Variants in SPTLC1 observed in about 807,000 individuals in gnomAD.
SPTLC1 encodes the protein serine palmitoyltransferase long chain base subunit 1, also known as serine palmitoyltransferase 1.
In SPTLC1, 55 loss-of-function variants were observed where a neutral mutation model predicts 68.9. The observed-to-expected ratio is 0.80, with a 90% CI of 0.64 to 1.00. The LOEUF is 1.00. Among genes scored for constraint, SPTLC1 ranks in the 50% least tolerant of loss-of-function variants. The pLI is 0.00. For missense variants in SPTLC1, 449 were observed against 573.1 expected, an observed-to-expected ratio of 0.78 and a Z score of 2.21; for synonymous variants, 197 against 201.6, an observed-to-expected ratio of 0.98 and a Z score of 0.19.
chr9:92,106,001 C>T (rs532744393), intron 3 of SPTLC1, among the ~76,000 whole-genome samples: 49 of 150,992 alleles, frequency 3.2e-4, no homozygotes, highest in East Asian at 1.2e-3. Context: ...TCTGCCCAGC[C>T]GCCACCCTGT....
chr9:92,071,083 C>T (rs1280244728), intron 5 of SPTLC1, among the ~76,000 whole-genome samples: 1 of 151,102 alleles, frequency 6.6e-6, no homozygotes, highest in East Asian at 1.9e-4. Context: ...TACATACTGT[C>T]CTTAAAAAAA....
chr9:92,096,057 G>C (rs1434805815), intron 3 of SPTLC1, among the ~76,000 whole-genome samples: 1 of 152,196 alleles, frequency 6.6e-6, no homozygotes, highest in African/African-American at 2.4e-5. Flanking sequence ...AAAATTAGGT[G>C]TGAGTTACAT....
rs1836112070 is a variant in SPTLC1, at chr9:92,108,870, C to T, written c.166-36G>A. Reference sequence around the variant, plus strand: ...AAAAGAATTAAAATACAGTGCAGTGCTAATATTATCAATTATTAGTGTCTC... The same window carrying T: ...AAAAGAATTAAAATACAGTGCAGTGTTAATATTATCAATTATTAGTGTCTC... On this transcript the variant is annotated intron_variant, in intron 2 of 14. Transcript: ENST00000262554. 3 of 1,573,958 alleles carry T rather than the reference C, an allele frequency of 1.9e-6. No homozygotes were observed. The African/African-American group carries it at 4.1e-5, about 21-fold the overall frequency.
intron 12 of SPTLC1, 118 bp from the exon 13 acceptor site, chr9:92,038,483 G>A (rs1033279553): frequency 2.5e-5 from 19 of 774,956 alleles, no homozygotes; most frequent in African/African-American, 1.5e-4. Flanking sequence ...AGAAGCTTGC[G>A]ACTGATGGGA....
chr9:92,114,692 G>T (rs759140984), intron 1 of SPTLC1, among the ~76,000 whole-genome samples: 1 of 150,630 alleles, frequency 6.6e-6, no homozygotes, highest in Non-Finnish European at 1.5e-5. Context: ...CCGAGATCAC[G>T]CCCTTGCACT....
rs1248285647 is a variant in SPTLC1 at position 92,034,898 on chromosome 9, A to G, written c.1255-15T>C. The G allele has an allele frequency of 6.2e-7, 1 of 1,610,758 alleles. No individual in the cohort carries two copies. Among genetic ancestry groups the G allele is most frequent in the South Asian group, 1.1e-5 (1 of 91,034 alleles). On this transcript the variant is annotated splice_polypyrimidine_tract_variant and intron_variant, in intron 13 of 14. Coordinates refer to ENST00000262554, the MANE Select transcript of SPTLC1 (RefSeq NM_006415.4). Reference sequence around the variant, plus strand: ...CTGTTCATGCACTGTAGGAAGAAAAAGAAGACATCTGCAACCTGGACTTCA... The same window carrying G: ...CTGTTCATGCACTGTAGGAAGAAAAGGAAGACATCTGCAACCTGGACTTCA...
At chr9:92,038,770 G>T (rs1833241106) in intron 12 of SPTLC1, among the ~76,000 whole-genome samples, 1 of 152,196 alleles carries the variant, frequency 6.6e-6, no homozygotes, top group South Asian at 2.1e-4. Flanking sequence ...TGCTGCTGGG[G>T]CCTTCTTCAT....
chr9:92,080,350 T>C (rs752835900), intron 4 of SPTLC1, among the ~76,000 whole-genome samples: 1 of 152,122 alleles, frequency 6.6e-6, no homozygotes, highest in Non-Finnish European at 1.5e-5. Flanking sequence ...ACAATCCCAA[T>C]AGGAGAGAGA....
intron 10 of SPTLC1, 141 bp from the exon 11 acceptor site, chr9:92,047,409 T>C (rs1833554551): frequency 3.8e-6 from 3 of 786,198 alleles, no homozygotes; most frequent in Non-Finnish European, 6.6e-6. Flanking sequence ...AAATAAACAT[T>C]ATACGTGTAA....
chr9:92,053,284 GA>G (rs1833773858), intron 8 of SPTLC1, among the ~76,000 whole-genome samples: 1 of 152,178 alleles, frequency 6.6e-6, no homozygotes, highest in African/African-American at 2.4e-5. Context: ...AAGATGTAGA[GA>G]AACTGTAACC....
chr9:92,041,280 C>T (rs1833342234), intron 12 of SPTLC1, among the ~76,000 whole-genome samples: 1 of 152,146 alleles, frequency 6.6e-6, no homozygotes, highest in Non-Finnish European at 1.5e-5. Flanking sequence ...ATTGAAGATA[C>T]TGCCTTTGAA....
intron 12 of SPTLC1, among the ~76,000 whole-genome samples, chr9:92,043,707 A>G (rs1296606088): frequency 6.6e-6 from 1 of 152,176 alleles, no homozygotes; most frequent in Non-Finnish European, 1.5e-5. Flanking sequence ...CAGAGTCACT[A>G]TCACCTTTCA....
rs145204646 is a variant in SPTLC1 at position 92,089,477 on chromosome 9, A to C, written c.261-8514T>G. Among the ~76,000 whole-genome samples the C allele has an allele frequency of 2.0e-5, 3 of 152,314 alleles. No homozygotes were observed. In the East Asian group the frequency reaches 5.8e-4, roughly 29 times the overall value. ...TAGTCAAATATAACTTCCAGAAATA[A>C]AATCTAAGAGCCAATAAAATTAGAA... On this transcript the variant is annotated intron_variant, in intron 3 of 14. Coordinates refer to ENST00000262554, the MANE Select transcript of SPTLC1 (RefSeq NM_006415.4).
intron 3 of SPTLC1, among the ~76,000 whole-genome samples, chr9:92,090,763 T>C (rs1835333059): frequency 6.6e-6 from 1 of 151,700 alleles, no homozygotes; most frequent in African/African-American, 2.4e-5. Flanking sequence ...GCCACTGCCC[T>C]GGAACAAAAG....
intron 3 of SPTLC1, among the ~76,000 whole-genome samples, chr9:92,096,541 T>A (rs1354198739): frequency 6.6e-6 from 1 of 152,138 alleles, no homozygotes; most frequent in African/African-American, 2.4e-5. Context: ...AAATAGACCA[T>A]CCTTACATTT....
At chr9:92,033,266 C>T (rs572979085) in intron 14 of SPTLC1, among the ~76,000 whole-genome samples, 16 of 152,306 alleles carry the variant, frequency 1.1e-4, no homozygotes, top group South Asian at 4.1e-4. Context: ...CTCAAATCAA[C>T]GACAGTTTGA....
Position 92,084,685 on chromosome 9 carries a change from T to C in SPTLC1, c.261-3722A>G, listed in dbSNP as rs572331068. On this transcript the variant is annotated intron_variant, in intron 3 of 14. Coordinates refer to ENST00000262554, the MANE Select transcript of SPTLC1 (RefSeq NM_006415.4). Reference sequence around the variant, plus strand: ...TTTTTGCATCAATGTTCATCAAGGATATTGGTCTAAAATTCTCTTTTTTGG... The same window carrying C: ...TTTTTGCATCAATGTTCATCAAGGACATTGGTCTAAAATTCTCTTTTTTGG... Among the ~76,000 whole-genome samples the C allele has an allele frequency of 3.3e-3, 497 of 152,076 alleles. 2 individuals are homozygous for C. The highest frequency in any genetic ancestry group is 4.6e-3 in the Non-Finnish European group (311 of 68,014).
chr9:92,052,481 A>G (rs552919464), intron 8 of SPTLC1, among the ~76,000 whole-genome samples: 17 of 152,298 alleles, frequency 1.1e-4, no homozygotes, highest in African/African-American at 4.1e-4. Context: ...TCTTAGGGGG[A>G]AACATAGCAA....
At chr9:92,082,732 T>G (rs886664421) in intron 3 of SPTLC1, among the ~76,000 whole-genome samples, 4 of 152,118 alleles carry the variant, frequency 2.6e-5, no homozygotes, top group Admixed American at 2.0e-4. Context: ...CAGCATGATT[T>G]ATACTCATTT....
Sources: allele counts gnomAD v4.1 joint callset (sites outside exome capture counted in the v4.1 genomes callset), GRCh38; gene constraint gnomAD v4.1.1; transcripts MANE v1.5; gene names NCBI Gene and HGNC (gene_info 2026-07-23, HGNC 2026-07-21).